IL36A: variants seen among roughly 807,000 people sequenced by gnomAD.
IL36A encodes interleukin-36 alpha.
Under a neutral mutation model 12.7 loss-of-function variants are expected in IL36A, and 13 were observed. The ratio of observed to expected loss-of-function variants is 1.02; its 90% CI spans 0.67 to 1.63. IL36A has a LOEUF of 1.63. Among genes scored for constraint, IL36A ranks in the 40% most tolerant of loss-of-function variants. The pLI, the probability that IL36A is intolerant of heterozygous loss-of-function variation, is 0.00. For synonymous variants in IL36A, 73 were observed against 71.9 expected, an observed-to-expected ratio of 1.01 and a Z score of -0.08; for missense variants, 195 against 192.9, an observed-to-expected ratio of 1.01 and a Z score of -0.07.
rs1214288534 is a variant in IL36A at position 113,005,654 on chromosome 2, C to T, written c.-218C>T. On this transcript the variant is annotated 5_prime_UTR_variant, in exon 1 of 4. Transcript: ENST00000259211. ...GCCTGGGCAGGATTCATAGGTGCAGCTGCTTCTGCTGGAGGTAGACTGCAT... is the reference window on the plus strand; with the variant it reads ...GCCTGGGCAGGATTCATAGGTGCAGTTGCTTCTGCTGGAGGTAGACTGCAT... 1.1e-5 allele frequency: 7 copies of T among 617,074 alleles called. No individual in the cohort carries two copies. The highest frequency in any genetic ancestry group is 2.0e-5 in the Non-Finnish European group (7 of 342,536). 38.2% of individuals were successfully genotyped at this position (617,074 alleles called of 1,614,324 possible).
Position 113,006,058 on chromosome 2 carries a change from C to A in IL36A, c.95C>A (p.Ala32Glu). 2 of 1,613,522 alleles carry A rather than the reference C, an allele frequency of 1.2e-6. No individual in the cohort carries two copies. The highest frequency in any genetic ancestry group is 1.7e-6 in the Non-Finnish European group (2 of 1,179,452). ...GTTCTTCAGGACCAGACGCTCATAGCAGTCCCGAGGAAGGACCGTATGTCT... is the reference window on the plus strand; with the variant it reads ...GTTCTTCAGGACCAGACGCTCATAGAAGTCCCGAGGAAGGACCGTATGTCT... ...VWVLQDQTLI[A>E]VPRKDRMSPV... Residue 32 changes from alanine (A) to glutamate (E), a missense_variant, in exon 2 of 4, where the codon GCA (alanine) becomes GAA (glutamate). Ala to Glu is a moderately radical substitution (Grantham distance 107). Coordinates refer to ENST00000259211, the MANE Select transcript of IL36A (RefSeq NM_014440.3).
downstream of IL36A, among the ~76,000 whole-genome samples, chr2:113,011,005 G>A (rs1684718491): frequency 6.6e-6 from 1 of 152,142 alleles, no homozygotes. Flanking sequence ...ATTTCACATA[G>A]CATGATATAC....
rs770979987 is a variant in IL36A, at chr2:113,007,989, C to T, written c.422C>T (p.Thr141Ile). Residue 141 changes from threonine to isoleucine, a missense_variant, in exon 4 of 4, where the codon ACC (threonine) becomes ATC (isoleucine). Transcript: ENST00000259211. ...GAAGGAGGCTGTCCTCTCATCCTTA[C>T]CCAAGAACTGGGGAAAGCCAACACT... ...SSEGGCPLIL[T>I]QELGKANTTD... 6.2e-7 allele frequency: 1 copy of T among 1,614,184 alleles called. No individual in the cohort carries two copies. The highest frequency in any genetic ancestry group is 8.5e-7 in the Non-Finnish European group (1 of 1,180,036).
rs1232845125 is a variant in IL36A, at chr2:113,005,971, CA to C, written c.11-2del. The C allele has an allele frequency of 6.2e-7, 1 of 1,612,280 alleles. No homozygotes were observed. The highest frequency in any genetic ancestry group is 2.2e-5 in the East Asian group (1 of 44,876). ...CTAATTTACATTTTGACTTTCTCAA[CA>C]GCATTGAAAATTGACACACCTCAGC... On this transcript the variant is annotated splice_acceptor_variant, in intron 1 of 3. Coordinates refer to ENST00000259211, the MANE Select transcript of IL36A (RefSeq NM_014440.3). LOFTEE classifies it high-confidence loss of function.
Position 113,006,043 on chromosome 2 carries a change from A to T in IL36A, c.80A>T (p.Asp27Val), listed in dbSNP as rs2105026303. 6.2e-7 allele frequency: 1 copy of T among 1,614,060 alleles called. No individual in the cohort carries two copies. Among genetic ancestry groups the T allele is most frequent in the Non-Finnish European group, 8.5e-7 (1 of 1,179,936 alleles). The change falls in exon 2 of 4, where the codon GAC becomes GTC. Residue 27 changes from aspartate (D) to valine (V), a missense_variant. Physicochemically the swap from Asp to Val is radical, Grantham distance 152. Coordinates refer to ENST00000259211, the MANE Select transcript of IL36A (RefSeq NM_014440.3). The part of the protein sequence containing the change: ...DINHRVWVLQ[D>V]QTLIAVPRKD... ...AATCATCGGGTGTGGGTTCTTCAGGACCAGACGCTCATAGCAGTCCCGAGG... is the reference window on the plus strand; with the variant it reads ...AATCATCGGGTGTGGGTTCTTCAGGTCCAGACGCTCATAGCAGTCCCGAGG...
chr2:113,006,779 C>T, intron 3 of IL36A, 42 bp downstream of exon 3: 1 of 1,602,642 alleles, frequency 6.2e-7, no homozygotes, highest in East Asian at 2.2e-5. Flanking sequence ...TTGATGGAAA[C>T]TCAGATTTCA....
chr2:113,007,707 A>T (rs1684650068), intron 3 of IL36A, 125 bp from the exon 4 acceptor site: 2 of 705,076 alleles, frequency 2.8e-6, no homozygotes, highest in East Asian at 2.6e-5. Context: ...AATATGAAAC[A>T]GAGGTCTCCA....
chr2:113,009,982 T>TC (rs1266984434), downstream of IL36A, among the ~76,000 whole-genome samples: 1 of 152,182 alleles, frequency 6.6e-6, no homozygotes, highest in East Asian at 1.9e-4. Context: ...GACTTCTTTT[T>TC]AATCCTCTCT....
Position 113,006,679 on chromosome 2 carries a change from G to C in IL36A, c.206G>C (p.Gly69Ala). 1 of 1,614,170 alleles carries C rather than the reference G, an allele frequency of 6.2e-7. No homozygotes were observed. Among genetic ancestry groups the C allele is most frequent in the Non-Finnish European group, 8.5e-7 (1 of 1,180,032 alleles). The change falls in exon 3 of 4, where the codon GGA (glycine) becomes GCA (alanine). Residue 69 changes from glycine to alanine, a missense_variant. Gly to Ala is a moderately conservative substitution (Grantham distance 60). Coordinates refer to ENST00000259211, the MANE Select transcript of IL36A (RefSeq NM_014440.3). ...AACCCCATCTACCTGGGCCTGAATG[G>C]ACTCAATCTCTGCCTGATGTGTGCT... ...RGNPIYLGLN[G>A]LNLCLMCAKV...
Position 113,007,865 on chromosome 2 carries a change from G to C in IL36A, c.298G>C (p.Glu100Gln), listed in dbSNP as rs376568289. 1.9e-5 allele frequency: 31 copies of C among 1,613,950 alleles called. No homozygotes were observed. In the African/African-American group the frequency reaches 4.1e-4, roughly 22 times the overall value. Residue 100 changes from glutamate (E) to glutamine (Q), a missense_variant, in exon 4 of 4, where the codon GAG becomes CAG. Glu to Gln is a conservative substitution (Grantham distance 29, BLOSUM62 2). Coordinates refer to ENST00000259211, the MANE Select transcript of IL36A (RefSeq NM_014440.3). Reference sequence around the variant, plus strand: ...TATAATGGATTTGTACAACCAACCCGAGCCTGTGAAGTCCTTTCTCTTCTA... The same window carrying C: ...TATAATGGATTTGTACAACCAACCCCAGCCTGTGAAGTCCTTTCTCTTCTA... ...KDIMDLYNQP[E>Q]PVKSFLFYHS... is the part of the protein sequence containing the mutation.
intron 2 of IL36A, 99 bp from the exon 3 acceptor site, chr2:113,006,499 C>G (rs1327439266): frequency 5.2e-5 from 69 of 1,324,620 alleles, no homozygotes; most frequent in Non-Finnish European, 7.0e-5. Context: ...TCTATGAGTG[C>G]ACTGTGAGTG....
chr2:113,005,760 C>A lies in IL36A; in HGVS notation c.-112C>A. 1 of 1,213,430 alleles carries A rather than the reference C, an allele frequency of 8.2e-7. No individual in the cohort carries two copies. Among genetic ancestry groups the A allele is most frequent in the Non-Finnish European group, 1.2e-6 (1 of 815,208 alleles). The allele number at this position is 1,213,430 out of a possible 1,614,324, so 75.2% of individuals were successfully genotyped here. On this transcript the variant is annotated 5_prime_UTR_variant, in exon 1 of 4. Transcript: ENST00000259211. ...ACTGCTGGGCTGGCCGCCAGTCTTT[C>A]ATCTGACCCAGGGTTAAACTGTGGC...
rs781697769 is a variant in IL36A, at chr2:113,007,823, A to G, written c.265-9A>G. ...TGTTTCTTGCTGGTGTCTCCTTCGC[A>G]CCCTTCAGGAAAAGGATATAATGGA... On this transcript the variant is annotated splice_polypyrimidine_tract_variant and intron_variant, in intron 3 of 3. Transcript: ENST00000259211. 4 of 1,608,998 alleles carry G rather than the reference A, an allele frequency of 2.5e-6. No homozygotes were observed. Among genetic ancestry groups the G allele is most frequent in the Non-Finnish European group, 3.4e-6 (4 of 1,175,436 alleles).
Position 113,005,651 on chromosome 2 carries a change from C to A in IL36A, c.-221C>A. The A allele has an allele frequency of 1.6e-6, 1 of 615,096 alleles. No homozygotes were observed. Among genetic ancestry groups the A allele is most frequent in the African/African-American group, 1.8e-5 (1 of 54,180 alleles). The allele number at this position is 615,096 out of a possible 1,614,324, so 38.1% of individuals were successfully genotyped here. A position where few individuals can be genotyped will look rare whatever the true frequency, so the allele number is the denominator to read the frequency against. On this transcript the variant is annotated 5_prime_UTR_variant, in exon 1 of 4. Coordinates refer to ENST00000259211, the MANE Select transcript of IL36A (RefSeq NM_014440.3). ...TAGGCCTGGGCAGGATTCATAGGTG[C>A]AGCTGCTTCTGCTGGAGGTAGACTG...
At chr2:113,006,362 G>A (rs562093830) in intron 2 of IL36A, among the ~76,000 whole-genome samples, 1 of 152,168 alleles carries the variant, frequency 6.6e-6, no homozygotes, top group Non-Finnish European at 1.5e-5. Flanking sequence ...GTAAGAGTAG[G>A]ACAAAAGAGG....
At chr2:113,007,641 C>G (rs988109920) in intron 3 of IL36A, among the ~76,000 whole-genome samples, 191 bp from the exon 4 acceptor site, 4 of 152,134 alleles carry the variant, frequency 2.6e-5, no homozygotes, top group Admixed American at 2.6e-4. Context: ...AAATTTGTAG[C>G]CTGAGTTTCA....
downstream of IL36A, among the ~76,000 whole-genome samples, chr2:113,010,054 A>G (rs894615082): frequency 6.6e-6 from 1 of 152,218 alleles, no homozygotes; most frequent in African/African-American, 2.4e-5. Context: ...CTTACAGAAT[A>G]TTAGCTGAAA....
At position 113,007,206 on chromosome 2, in the gene IL36A, T is replaced by C. The variant is rs570053560; in HGVS notation, c.264+469T>C. On this transcript the variant is annotated intron_variant, in intron 3 of 3. Coordinates refer to ENST00000259211, the MANE Select transcript of IL36A (RefSeq NM_014440.3). ...CAGGAACTCTCTTGACCCTTTTCAG[T>C]AAACAAGCATAAGCAGACACTCAAC... Among the ~76,000 whole-genome samples, 10 of 152,286 alleles carry C rather than the reference T, an allele frequency of 6.6e-5. No individual in the cohort carries two copies. In the South Asian group the frequency reaches 1.5e-3, roughly 22 times the overall value.
At chr2:113,010,595 A>C (rs555460939), downstream of IL36A, among the ~76,000 whole-genome samples, 2 of 152,308 alleles carry the variant, frequency 1.3e-5, no homozygotes, top group Admixed American at 6.5e-5. Flanking sequence ...GTTTTCTGGA[A>C]GAAGCAATTC....
Sources: gnomAD v4.1 joint callset for allele counts (sites outside exome capture counted in the v4.1 genomes callset) on GRCh38, gnomAD v4.1.1 for gene constraint, MANE v1.5 for transcripts, NCBI Gene and HGNC (gene_info 2026-07-23, HGNC 2026-07-21) for gene names.